AJAP1: variants seen among roughly 807,000 people sequenced by gnomAD.
AJAP1 encodes the protein adherens junctions associated protein 1.
A neutral mutation model predicts 35.0 loss-of-function variants in AJAP1; 5 were observed. The observed-to-expected ratio is 0.14, with a 90% confidence interval of 0.07 to 0.30. The LOEUF (loss-of-function observed/expected upper bound fraction) is 0.30, where lower values mean the gene tolerates loss of function less well. Ranked by LOEUF, AJAP1 falls within the 10% of genes least tolerant of loss-of-function variation. AJAP1 has a pLI of 1.00. For synonymous variants in AJAP1, 284 were observed against 249.3 expected (o/e 1.14, Z -1.31); for missense variants, 586 against 571.0 (o/e 1.03, Z -0.27).
intron 1 of AJAP1, among the ~76,000 whole-genome samples, chr1:4,689,904 C>T (rs1476854651): frequency 2.0e-5 from 3 of 152,146 alleles, no homozygotes; most frequent in Non-Finnish European, 4.4e-5. Context: ...GGCTGGTTCT[C>T]TTGCTTTCCT....
At chr1:4,728,905 G>A (rs913508474) in intron 2 of AJAP1, among the ~76,000 whole-genome samples, 7 of 151,958 alleles carry the variant, frequency 4.6e-5, no homozygotes, top group African/African-American at 1.7e-4. Context: ...GGGGACATGG[G>A]AGCTCTCCGG....
At chr1:4,772,789 A>G (rs1641865806) in intron 4 of AJAP1, among the ~76,000 whole-genome samples, 1 of 152,178 alleles carries the variant, frequency 6.6e-6, no homozygotes, top group African/African-American at 2.4e-5. Context: ...CGGGAAATGC[A>G]TAGTCTCCCA....
intron 2 of AJAP1, among the ~76,000 whole-genome samples, chr1:4,745,373 C>T (rs553323196): frequency 5.3e-5 from 8 of 152,178 alleles, no homozygotes; most frequent in South Asian, 2.1e-4. Context: ...CTTTCTCCCC[C>T]ATTACCAGCC....
rs900876284 is a variant in AJAP1, at chr1:4,791,610, C to T, written c.*9125C>T. 4.6e-5 allele frequency: 7 copies of T among 152,140 alleles called. No homozygotes were observed. The highest frequency in any genetic ancestry group is 2.1e-4 in the South Asian group (1 of 4,828). The allele number at this position is 152,140 out of a possible 1,614,324, so 9.4% of individuals were successfully genotyped here. On this transcript the variant is annotated 3_prime_UTR_variant, in exon 6 of 6. Coordinates refer to ENST00000378191, the MANE Select transcript of AJAP1 (RefSeq NM_018836.4). ...TTCCCATTGATCATTAGAGTGTCTACGATTAAGTGGAAAAGGTGGTCAACC... is the reference window on the plus strand; with the variant it reads ...TTCCCATTGATCATTAGAGTGTCTATGATTAAGTGGAAAAGGTGGTCAACC...
At position 4,734,780 on chromosome 1, in the gene AJAP1, C is replaced by T. The variant is rs1024686224; in HGVS notation, c.829+22081C>T. On this transcript the variant is annotated intron_variant, in intron 2 of 5. Coordinates refer to ENST00000378191, the MANE Select transcript of AJAP1 (RefSeq NM_018836.4). This position sits in a 1 kb window ranked among gnomAD's most constrained non-coding sequence, Gnocchi z 4.3. ...ACCCAAGAGGGGTCAGTGATGGTGG[C>T]AGGGCCAAGGCTCTCACCTTCCCCC... Among the ~76,000 whole-genome samples the T allele has an allele frequency of 6.6e-6, 1 of 152,160 alleles. No homozygotes were observed. The highest frequency in any genetic ancestry group is 1.5e-5 in the Non-Finnish European group (1 of 68,034).
chr1:4,713,647 T>C (rs1355863825), intron 2 of AJAP1, among the ~76,000 whole-genome samples: 3 of 152,224 alleles, frequency 2.0e-5, no homozygotes, highest in Non-Finnish European at 4.4e-5. Context: ...CCCTCCAGTT[T>C]TCTCTGCCTC....
chr1:4,754,576 G>A (rs1490111669), intron 2 of AJAP1, among the ~76,000 whole-genome samples: 4 of 152,214 alleles, frequency 2.6e-5, no homozygotes, highest in African/African-American at 9.6e-5. Flanking sequence ...CCACTTTGAG[G>A]ATGAGAGGAC....
At chr1:4,781,881 G>A (rs985400887) in intron 5 of AJAP1, among the ~76,000 whole-genome samples, 4 of 152,172 alleles carry the variant, frequency 2.6e-5, no homozygotes, top group Non-Finnish European at 5.9e-5. Flanking sequence ...GGTGGGAGCC[G>A]CCCCGTCTCA....
chr1:4,776,282 G>C (rs1641938628), intron 5 of AJAP1, among the ~76,000 whole-genome samples: 1 of 151,716 alleles, frequency 6.6e-6, no homozygotes, highest in African/African-American at 2.4e-5. Flanking sequence ...CTCCCTAGGG[G>C]AGAGGGGACA....
At chr1:4,684,839 T>A (rs761179946) in intron 1 of AJAP1, among the ~76,000 whole-genome samples, 37 of 152,250 alleles carry the variant, frequency 2.4e-4, no homozygotes, top group Admixed American at 7.2e-4. Flanking sequence ...CCCTTGCCTG[T>A]GCCAGCCTCC....
chr1:4,673,020 A>G (rs780737265), intron 1 of AJAP1, among the ~76,000 whole-genome samples: 1 of 152,182 alleles, frequency 6.6e-6, no homozygotes, highest in Non-Finnish European at 1.5e-5. Flanking sequence ...CTTCCAGTCG[A>G]GGTGGGACCT....
chr1:4,742,691 A>G (rs1242491682), intron 2 of AJAP1, among the ~76,000 whole-genome samples: 2 of 151,794 alleles, frequency 1.3e-5, no homozygotes, highest in Non-Finnish European at 2.9e-5. Flanking sequence ...CTCTTAAGTC[A>G]CTCTCTGCAA....
chr1:4,685,005 G>T (rs1639573415), intron 1 of AJAP1, among the ~76,000 whole-genome samples: 1 of 152,110 alleles, frequency 6.6e-6, no homozygotes, highest in South Asian at 2.1e-4. Flanking sequence ...AGGAAAAAAG[G>T]CCCAACAACA....
intron 1 of AJAP1, among the ~76,000 whole-genome samples, chr1:4,674,785 G>A (rs893606968): frequency 2.6e-5 from 4 of 152,238 alleles, no homozygotes; most frequent in Non-Finnish European, 5.9e-5. Flanking sequence ...TGCTCTGCCT[G>A]CTTGTCTCGT....
chr1:4,675,969 G>A (rs901468456), intron 1 of AJAP1, among the ~76,000 whole-genome samples: 2 of 152,200 alleles, frequency 1.3e-5, no homozygotes, highest in African/African-American at 4.8e-5. Flanking sequence ...CTTCCTGCAG[G>A]GGCTGGGACG....
At chr1:4,719,842 C>T (rs1640479265) in intron 2 of AJAP1, among the ~76,000 whole-genome samples, 1 of 152,176 alleles carries the variant, frequency 6.6e-6, no homozygotes, top group East Asian at 1.9e-4. Context: ...TCCCTCCCTG[C>T]CGGTGTCCAC....
rs1417209690 is a variant in AJAP1 at position 4,783,033 on chromosome 1, TACAA to T, written c.*552_*555del. The T allele has an allele frequency of 1.0e-5, 4 of 390,354 alleles. No individual in the cohort carries two copies. Among genetic ancestry groups the T allele is most frequent in the African/African-American group, 8.3e-5 (4 of 48,480 alleles). 24.2% of individuals were successfully genotyped at this position (390,354 alleles called of 1,614,324 possible). ...TAATATACATATATAAATATATAAA[TACAA>T]ACACACACACACACTTTTTTTGTAC... On this transcript the variant is annotated 3_prime_UTR_variant, in exon 6 of 6. Coordinates refer to ENST00000378191, the MANE Select transcript of AJAP1 (RefSeq NM_018836.4).
intron 4 of AJAP1, 115 bp downstream of exon 4, chr1:4,772,640 C>G (rs1641862530): frequency 6.9e-7 from 1 of 1,449,512 alleles, no homozygotes; most frequent in Admixed American, 2.2e-5. Flanking sequence ...TCCCTGAGGT[C>G]GCTTTGAGGG....
chr1:4,663,037 C>T (rs573018844), intron 1 of AJAP1, among the ~76,000 whole-genome samples: 18 of 152,204 alleles, frequency 1.2e-4, no homozygotes, highest in South Asian at 4.2e-4. Context: ...GGGAGGCAGC[C>T]GTGCCTCCCC....
Sources: allele counts gnomAD v4.1 joint callset (sites outside exome capture counted in the v4.1 genomes callset), GRCh38; gene constraint gnomAD v4.1.1; non-coding constraint Gnocchi (gnomAD v3.1); transcripts MANE v1.5; gene names NCBI Gene and HGNC (gene_info 2026-07-23, HGNC 2026-07-21).